Variants in FGF7 observed in about 807,000 individuals in gnomAD.
FGF7 encodes fibroblast growth factor 7.
Under a neutral mutation model 20.5 loss-of-function variants are expected in FGF7, and 6 were observed. That is an observed-to-expected ratio of 0.29 (90% CI 0.16 to 0.58). FGF7 has a LOEUF of 0.58. FGF7 is among the 20% of genes least tolerant of loss of function. The pLI is 0.90. For missense variants in FGF7, 144 were observed against 228.8 expected (o/e 0.63, Z 2.39); for synonymous variants, 64 against 74.7 (o/e 0.86, Z 0.74).
intron 2 of FGF7, among the ~76,000 whole-genome samples, chr15:49,470,121 A>T (rs1226847176): frequency 2.6e-5 from 4 of 152,286 alleles, no homozygotes; most frequent in South Asian, 4.1e-4. Context: ...AGACCACGGT[A>T]TTATGATCAA....
chr15:49,429,112 A>G (rs1197388961), intron 2 of FGF7, among the ~76,000 whole-genome samples: 1 of 152,044 alleles, frequency 6.6e-6, no homozygotes, highest in Admixed American at 6.6e-5. Context: ...ATCTAAAAGA[A>G]CAATAATTCA....
At chr15:49,434,147 C>G (rs2050870435) in intron 2 of FGF7, among the ~76,000 whole-genome samples, 1 of 151,616 alleles carries the variant, frequency 6.6e-6, no homozygotes, top group Non-Finnish European at 1.5e-5. Flanking sequence ...GGGTCTCTAA[C>G]TGTACTTCTG....
chr15:49,453,351 A>T (rs2052955052), intron 2 of FGF7, among the ~76,000 whole-genome samples: 1 of 152,020 alleles, frequency 6.6e-6, no homozygotes. Context: ...CCATTTGCTC[A>T]CCTCCGCCTC....
At chr15:49,474,836 A>C (rs2055102996) in intron 2 of FGF7, among the ~76,000 whole-genome samples, 1 of 152,122 alleles carries the variant, frequency 6.6e-6, no homozygotes, top group Admixed American at 6.5e-5. Context: ...CGAAAATCTC[A>C]CTAATGCCTG....
intron 2 of FGF7, among the ~76,000 whole-genome samples, chr15:49,474,916 G>GT (rs2055113886): frequency 6.6e-6 from 1 of 152,078 alleles, no homozygotes; most frequent in Non-Finnish European, 1.5e-5. Flanking sequence ...TTGGTTTAGA[G>GT]TATCATCTCA....
intron 2 of FGF7, among the ~76,000 whole-genome samples, chr15:49,458,144 A>G (rs1435567798): frequency 2.2e-4 from 33 of 152,138 alleles, no homozygotes; most frequent in East Asian, 1.9e-4. Context: ...GAAGGTATTT[A>G]TAATCACTAA....
At chr15:49,434,251 A>C (rs2050881970) in intron 2 of FGF7, 1 of 151,688 alleles carries the variant, frequency 6.6e-6, no homozygotes, top group Non-Finnish European at 1.5e-5. Context: ...GTTTGCATGA[A>C]TAATGAAGAT....
chr15:49,461,475 CT>C (rs2053791350), intron 2 of FGF7, among the ~76,000 whole-genome samples: 1 of 152,198 alleles, frequency 6.6e-6, no homozygotes, highest in Non-Finnish European at 1.5e-5. Context: ...TCAATGCAGA[CT>C]TTAGCTAATC....
intron 2 of FGF7, among the ~76,000 whole-genome samples, chr15:49,480,568 GC>G (rs1188571842): frequency 2.8e-5 from 4 of 141,078 alleles, no homozygotes; most frequent in African/African-American, 5.3e-5. Context: ...TGCAGCCTCC[GC>G]CTTCTGGGTT....
chr15:49,487,762 T>C lies in FGF7; in HGVS notation c.*3258T>C, dbSNP rs1478704701. On this transcript the variant is annotated 3_prime_UTR_variant, in exon 4 of 4. Transcript: ENST00000267843. Reference sequence around the variant, plus strand: ...CGGAACATTTCTTTTCTCTTAAGACTCATGTGATTTTTGCATCTTACTCCA... The same window carrying C: ...CGGAACATTTCTTTTCTCTTAAGACCCATGTGATTTTTGCATCTTACTCCA... 3 of 151,928 alleles carry C rather than the reference T, an allele frequency of 2.0e-5. No homozygotes were observed. The highest frequency in any genetic ancestry group is 4.4e-5 in the Non-Finnish European group (3 of 67,892). 9.4% of individuals were successfully genotyped at this position (151,928 alleles called of 1,614,324 possible).
chr15:49,425,796 A>G (rs2050076270), intron 2 of FGF7, among the ~76,000 whole-genome samples: 1 of 151,770 alleles, frequency 6.6e-6, no homozygotes, highest in South Asian at 2.1e-4. Flanking sequence ...CTGGACAGTT[A>G]TGGTTTTATT....
chr15:49,442,589 T>C (rs561738644), intron 2 of FGF7, among the ~76,000 whole-genome samples: 117 of 151,764 alleles, frequency 7.7e-4, no homozygotes, highest in Non-Finnish European at 1.5e-3. Context: ...TATCCCTCAC[T>C]CCCATCTCAG....
chr15:49,474,039 T>C (rs561841637), intron 2 of FGF7, among the ~76,000 whole-genome samples: 31 of 152,150 alleles, frequency 2.0e-4, no homozygotes, highest in African/African-American at 7.5e-4. Context: ...TAAAACAAAA[T>C]GTATTTTTGA....
intron 2 of FGF7, among the ~76,000 whole-genome samples, chr15:49,475,186 A>C (rs1406647469): frequency 6.6e-6 from 1 of 152,214 alleles, no homozygotes; most frequent in Non-Finnish European, 1.5e-5. Flanking sequence ...GAATAGAACA[A>C]GGAGTGTGAA....
intron 2 of FGF7, among the ~76,000 whole-genome samples, chr15:49,474,604 C>T (rs1045684790): frequency 2.6e-5 from 4 of 152,050 alleles, no homozygotes; most frequent in Non-Finnish European, 5.9e-5. Context: ...ATAGCTATTT[C>T]AAGGAATAAA....
intron 2 of FGF7, among the ~76,000 whole-genome samples, chr15:49,432,895 C>G (rs559686370): frequency 5.3e-5 from 8 of 151,404 alleles, no homozygotes; most frequent in Non-Finnish European, 8.9e-5. Context: ...TTTGGGCCAC[C>G]GATAAACTAA....
At chr15:49,465,104 A>T (rs2054143662) in intron 2 of FGF7, among the ~76,000 whole-genome samples, 1 of 152,038 alleles carries the variant, frequency 6.6e-6, no homozygotes, top group African/African-American at 2.4e-5. Context: ...ATGAAATATT[A>T]GAAGTAGAAT....
At chr15:49,472,189 T>C (rs186000541) in intron 2 of FGF7, among the ~76,000 whole-genome samples, 2 of 152,278 alleles carry the variant, frequency 1.3e-5, no homozygotes, top group Admixed American at 1.3e-4. Flanking sequence ...TTGGGGTGCA[T>C]TAGTTAAGAT....
chr15:49,446,836 T>C (rs1267174458), intron 2 of FGF7, among the ~76,000 whole-genome samples: 1 of 150,882 alleles, frequency 6.6e-6, no homozygotes, highest in African/African-American at 2.4e-5. Flanking sequence ...TGTTAGGAAG[T>C]AAATGGAGAA....
Sources: gnomAD v4.1 joint callset for allele counts (sites outside exome capture counted in the v4.1 genomes callset) on GRCh38, gnomAD v4.1.1 for gene constraint, MANE v1.5 for transcripts, NCBI Gene and HGNC (gene_info 2026-07-23, HGNC 2026-07-21) for gene names.